The following RNFT2 variants were observed in gnomAD, a reference collection of about 807,000 sequenced individuals.
RNFT2 encodes the protein ring finger protein, transmembrane 2.
RNFT2 carries 36 observed loss-of-function variants against 53.0 expected under a neutral mutation model. The observed-to-expected ratio is 0.68, with a 90% CI of 0.52 to 0.90. RNFT2 has a LOEUF of 0.90. RNFT2 is among the 40% of genes least tolerant of loss of function. The pLI is 0.00. For missense variants in RNFT2, 514 were observed against 585.6 expected (o/e 0.88, Z 1.26); for synonymous variants, 260 against 253.2 (o/e 1.03, Z -0.26).
rs531103530 is a variant in RNFT2 at position 116,770,424 on chromosome 12, C to CTA, written c.728+3510_728+3511insTA. On this transcript the variant is annotated intron_variant, in intron 6 of 10. Transcript: ENST00000257575. ...AACTCTGTGGTGTTCACACAAGGACCAGGTCACCTAAGGATGTGTTTCTCA... is the reference window on the plus strand; with the variant it reads ...AACTCTGTGGTGTTCACACAAGGACCTAAGGTCACCTAAGGATGTGTTTCTCA... 2.2e-3 allele frequency among the ~76,000 whole-genome samples: 329 copies of CTA among 152,274 alleles called. 2 individuals carry two copies. The highest frequency in any genetic ancestry group is 8.9e-3 in the South Asian group (43 of 4,818).
chr12:116,748,865 CTG>C, intron 3 of RNFT2: 1 of 199,348 alleles, frequency 5.0e-6, no homozygotes, highest in Middle Eastern at 7.8e-4. Context: ...CTTACCAGCT[CTG>C]TGACTCTGGA....
At chr12:116,804,671 C>T (rs551768120) in intron 7 of RNFT2, among the ~76,000 whole-genome samples, 11 of 152,230 alleles carry the variant, frequency 7.2e-5, no homozygotes, top group Admixed American at 2.0e-4. Flanking sequence ...AATCCCAAGA[C>T]GGTTCTTTCT....
In RNFT2 at chr12:116,789,247, G is replaced by A. The variant is rs182864070; in HGVS notation, c.882+9899G>A. Among the ~76,000 whole-genome samples the A allele has an allele frequency of 4.7e-3, 702 of 148,456 alleles. 1 individual carries two copies. The highest frequency in any genetic ancestry group is 7.3e-3 in the Admixed American group (108 of 14,894). On this transcript the variant is annotated intron_variant, in intron 7 of 10. Coordinates refer to ENST00000257575, the MANE Select transcript of RNFT2 (RefSeq NM_001382266.1). ...ATGGGAGGAGAGTAGATGGATGGGT[G>A]GATGGGTAAATGGGAGAAGAGTAGA...
chr12:116,772,045 C>T (rs1261147716), intron 6 of RNFT2, among the ~76,000 whole-genome samples: 1 of 152,006 alleles, frequency 6.6e-6, no homozygotes, highest in African/African-American at 2.4e-5. Flanking sequence ...ACAATGCTGT[C>T]CCATAGTTGC....
In RNFT2 at chr12:116,753,868, CTCTT is replaced by C; in HGVS notation, c.551-115_551-112del. ...AGTGGGATTTTTTTTATTTTTCTCT[CTCTT>C]CTGTCAACTCTGAGGGGACCAGGGA... On this transcript the variant is annotated intron_variant, in intron 4 of 10. Coordinates refer to ENST00000257575, the MANE Select transcript of RNFT2 (RefSeq NM_001382266.1). The C allele has an allele frequency of 5.5e-6, 4 of 729,948 alleles. 1 individual carries two copies. Among genetic ancestry groups the C allele is most frequent in the South Asian group, 4.9e-5 (3 of 61,140 alleles). The allele number at this position is 729,948 out of a possible 1,614,324, so 45.2% of individuals were successfully genotyped here.
chr12:116,798,225 CAA>C (rs201001033), intron 7 of RNFT2, among the ~76,000 whole-genome samples: 2 of 139,156 alleles, frequency 1.4e-5, no homozygotes, highest in African/African-American at 2.6e-5. Context: ...GACTCTGTCT[CAA>C]AAAAAAAAAA....
At position 116,836,235 on chromosome 12, in the gene RNFT2, G is replaced by A. The variant is rs759149103; in HGVS notation, c.1153G>A (p.Ala385Thr). 32 of 1,591,990 alleles carry A rather than the reference G, an allele frequency of 2.0e-5. No individual in the cohort carries two copies. The highest frequency in any genetic ancestry group is 4.6e-5 in the East Asian group (2 of 43,736). ...GTGCACAGAAGCTGGTGACATCTGC[G>A]CCATCTGTCAGGCCGAGTTCCGAGA... Reference protein sequence around the residue: ...QQCTEAGDICAICQAEFREPL... With the variant: ...QQCTEAGDICTICQAEFREPL... The change falls in exon 10 of 11, where the codon GCC becomes ACC. Residue 385 changes from alanine to threonine, a missense_variant. Ala to Thr is a moderately conservative substitution (Grantham distance 58). Coordinates refer to ENST00000257575, the MANE Select transcript of RNFT2 (RefSeq NM_001382266.1).
At chr12:116,838,534 T>C (rs556737102) in intron 10 of RNFT2, among the ~76,000 whole-genome samples, 1 of 152,324 alleles carries the variant, frequency 6.6e-6, no homozygotes, top group Admixed American at 6.5e-5. Context: ...CGCTTGCTTC[T>C]TCCCTCACCA....
At chr12:116,842,433 C>CCA (rs1248995393) in intron 10 of RNFT2, among the ~76,000 whole-genome samples, 1 of 152,130 alleles carries the variant, frequency 6.6e-6, no homozygotes, top group African/African-American at 2.4e-5. Flanking sequence ...CAGCTGTGTA[C>CCA]CTTGGGCGCA....
At chr12:116,739,913 G>A (rs548685563) in intron 1 of RNFT2, among the ~76,000 whole-genome samples, 2 of 152,288 alleles carry the variant, frequency 1.3e-5, no homozygotes, top group South Asian at 4.1e-4. Flanking sequence ...TACCTTAAGA[G>A]TTTCAAAGAG....
chr12:116,786,400 C>T (rs1336319922), intron 7 of RNFT2, among the ~76,000 whole-genome samples: 2 of 152,060 alleles, frequency 1.3e-5, no homozygotes, highest in African/African-American at 2.4e-5. Flanking sequence ...CATGAGCCAC[C>T]GCGCCCGGCC....
intron 7 of RNFT2, among the ~76,000 whole-genome samples, chr12:116,780,847 C>A (rs974903774): frequency 6.6e-6 from 1 of 152,072 alleles, no homozygotes; most frequent in African/African-American, 2.4e-5. Flanking sequence ...TGGAAAGCAG[C>A]ATGGCCTGAT....
At chr12:116,824,311 G>T (rs1417041438) in intron 7 of RNFT2, among the ~76,000 whole-genome samples, 13 of 152,130 alleles carry the variant, frequency 8.5e-5, no homozygotes, top group Non-Finnish European at 1.6e-4. Context: ...CCCCTCATTT[G>T]TCCATTACTC....
At chr12:116,815,162 C>T (rs1212384401) in intron 7 of RNFT2, among the ~76,000 whole-genome samples, 2 of 152,160 alleles carry the variant, frequency 1.3e-5, no homozygotes, top group African/African-American at 4.8e-5. Context: ...GCTCAGAGGC[C>T]ACTCCCAGGC....
intron 7 of RNFT2, among the ~76,000 whole-genome samples, chr12:116,794,694 A>AGGGAGGGAGGGGG (rs1874421205): frequency 6.1e-5 from 1 of 16,288 alleles, no homozygotes; most frequent in Admixed American, 5.1e-4. Flanking sequence ...GAGGGAGGGA[A>AGGGAGGGAGGGGG]GGGAAGGGAG....
At position 116,745,619 on chromosome 12, in the gene RNFT2, G is replaced by A. The variant is rs75531183; in HGVS notation, c.84-4222G>A. On this transcript the variant is annotated intron_variant, in intron 3 of 10. Transcript: ENST00000257575. ...AGTTTGTGCAGCCAGGGAAACCACC[G>A]TGTCCCACTGCTGTGTGTCACAGGT... Among the ~76,000 whole-genome samples, 4 of 152,250 alleles carry A rather than the reference G, an allele frequency of 2.6e-5. No individual in the cohort carries two copies. The East Asian group carries it at 5.8e-4, about 22-fold the overall frequency.
chr12:116,838,021 T>TA lies in RNFT2; in HGVS notation c.1200+1739_1200+1740insA, dbSNP rs549612128. 2.6e-3 allele frequency among the ~76,000 whole-genome samples: 396 copies of TA among 150,042 alleles called. 2 individuals are homozygous for TA. The highest frequency in any genetic ancestry group is 9.2e-3 in the African/African-American group (366 of 39,668). On this transcript the variant is annotated intron_variant, in intron 10 of 10. Transcript: ENST00000257575. ...TTTATACACACACAAACATATTTTTTTAAAAAAAAACATAAGTTATAGTAC... is the reference window on the plus strand; with the variant it reads ...TTTATACACACACAAACATATTTTTTATAAAAAAAAACATAAGTTATAGTAC...
At chr12:116,742,055 C>A (rs371693356) in intron 3 of RNFT2, among the ~76,000 whole-genome samples, 7 of 152,136 alleles carry the variant, frequency 4.6e-5, no homozygotes, top group African/African-American at 1.7e-4. Context: ...TTTATTTCTT[C>A]CATTTCTCAA....
At chr12:116,825,983 GA>G (rs796356587) in intron 7 of RNFT2, among the ~76,000 whole-genome samples, 36 of 150,494 alleles carry the variant, frequency 2.4e-4, no homozygotes, top group African/African-American at 7.8e-4. Flanking sequence ...TCTTGATACA[GA>G]AAAAAAAAGG....
Sources: gnomAD v4.1 joint callset for allele counts (sites outside exome capture counted in the v4.1 genomes callset) on GRCh38, gnomAD v4.1.1 for gene constraint, MANE v1.5 for transcripts, NCBI Gene and HGNC (gene_info 2026-07-23, HGNC 2026-07-21) for gene names.